Variants in CLVS1 observed in about 807,000 individuals in gnomAD.
CLVS1 encodes the protein clavesin-1.
A neutral mutation model predicts 33.1 loss-of-function variants in CLVS1; 10 were observed. The observed-to-expected ratio is 0.30, with a 90% CI of 0.19 to 0.51. CLVS1 has a LOEUF of 0.51. Among genes scored for constraint, CLVS1 ranks in the 20% least tolerant of loss-of-function variants. CLVS1 has a pLI of 0.97. For synonymous variants in CLVS1, 163 were observed against 166.1 expected, an observed-to-expected ratio of 0.98 and a Z score of 0.14; for missense variants, 343 against 433.4, an observed-to-expected ratio of 0.79 and a Z score of 1.85.
intron 2 of CLVS1, among the ~76,000 whole-genome samples, chr8:61,254,499 C>G (rs916145578): frequency 1.3e-5 from 2 of 152,218 alleles, no homozygotes; most frequent in Non-Finnish European, 1.5e-5. Context: ...TTTTGTTTGG[C>G]TATGCCCTGC....
Position 61,468,851 on chromosome 8 carries a change from G to A in CLVS1, c.977+10309G>A, listed in dbSNP as rs116697355. Among the ~76,000 whole-genome samples the A allele has an allele frequency of 5.8e-3, 876 of 151,924 alleles. 12 individuals carry two copies. The highest frequency in any genetic ancestry group is 0.02 in the African/African-American group (822 of 41,420). On this transcript the variant is annotated intron_variant, in intron 5 of 5. Transcript: ENST00000325897. ...ACAGTCTGATGACAGTGGAGCCACC[G>A]CTTATCGGAATTCCAGAAACTACCA...
chr8:61,332,994 T>G (rs1811657920), intron 2 of CLVS1, among the ~76,000 whole-genome samples: 1 of 152,226 alleles, frequency 6.6e-6, no homozygotes, highest in Non-Finnish European at 1.5e-5. Context: ...CCAACCTTTA[T>G]TTAGTTTCGT....
intron 1 of CLVS1, among the ~76,000 whole-genome samples, chr8:61,079,183 G>T (rs1168016916): frequency 1.3e-5 from 2 of 152,100 alleles, no homozygotes; most frequent in Non-Finnish European, 2.9e-5. Flanking sequence ...TAATTGCACT[G>T]TCTTTCTTTC....
rs184377116 is a variant in CLVS1, at chr8:61,314,207, G to C, written c.455+13925G>C. Among the ~76,000 whole-genome samples the C allele has an allele frequency of 7.6e-4, 115 of 152,260 alleles. 1 individual carries two copies. The Middle Eastern group carries it at 0.014, about 18-fold the overall frequency. On this transcript the variant is annotated intron_variant, in intron 2 of 5. Coordinates refer to ENST00000325897, the MANE Select transcript of CLVS1 (RefSeq NM_173519.3). ...CTCAGTGTCCCCTTTCCCTGACAGG[G>C]TCGTGTAGATTCTGGTGAATCTCAT...
At chr8:61,113,369 T>C (rs1805663528) in intron 1 of CLVS1, among the ~76,000 whole-genome samples, 1 of 152,186 alleles carries the variant, frequency 6.6e-6, no homozygotes, top group Non-Finnish European at 1.5e-5. Context: ...GCATCATGTT[T>C]TGAGTGGTGC....
chr8:61,010,030 G>A, the CLVS1 span, among the ~76,000 whole-genome samples: 1 of 152,214 alleles, frequency 6.6e-6, no homozygotes, highest in Non-Finnish European at 1.5e-5. Context: ...ACAGGAGCTG[G>A]GGCTGGGATG....
At chr8:61,339,120 C>A (rs1372919394) in intron 2 of CLVS1, among the ~76,000 whole-genome samples, 2 of 152,076 alleles carry the variant, frequency 1.3e-5, no homozygotes, top group African/African-American at 4.8e-5. Context: ...GGCACTATGC[C>A]TGCAGCCTCT....
chr8:61,246,362 G>T (rs1057250988), intron 2 of CLVS1, among the ~76,000 whole-genome samples: 4 of 150,836 alleles, frequency 2.7e-5, no homozygotes, highest in African/African-American at 7.3e-5. Context: ...TAGAGATGGG[G>T]TTGCACCATG....
chr8:61,494,798 T>G (rs557471628), intron 5 of CLVS1, among the ~76,000 whole-genome samples: 1 of 152,330 alleles, frequency 6.6e-6, no homozygotes, highest in Non-Finnish European at 1.5e-5. Context: ...TACTTTCTAA[T>G]TTTTTCCAGT....
At chr8:61,228,729 C>CT (rs968750211) in intron 2 of CLVS1, among the ~76,000 whole-genome samples, 19 of 152,186 alleles carry the variant, frequency 1.2e-4, no homozygotes, top group African/African-American at 4.6e-4. Context: ...ACAGACTTTC[C>CT]TTTTTTAAGG....
At chr8:61,161,269 G>T (rs2129349) in intron 2 of CLVS1, among the ~76,000 whole-genome samples, 2 of 151,802 alleles carry the variant, frequency 1.3e-5, no homozygotes, top group African/African-American at 4.8e-5. Flanking sequence ...TGGAGGCACC[G>T]CAGAAAACTA....
Position 61,122,822 on chromosome 8 carries a change from T to C in CLVS1, c.-242-8948T>C, listed in dbSNP as rs541567809. On this transcript the variant is annotated intron_variant, in intron 1 of 2. Coordinates refer to the CLVS1 transcript ENST00000522621. Reference sequence around the variant, plus strand: ...AATCCTTTCCCAGCTCTCTGGCTCCTTTGCTGAAAAAGGACACTCAACTCT... The same window carrying C: ...AATCCTTTCCCAGCTCTCTGGCTCCCTTGCTGAAAAAGGACACTCAACTCT... Among the ~76,000 whole-genome samples the C allele has an allele frequency of 6.8e-5, 7 of 103,498 alleles. 2 individuals carry two copies. In the Admixed American group the frequency reaches 9.2e-4, roughly 14 times the overall value. 67.9% of individuals were successfully genotyped at this position (103,498 alleles called of 152,430 possible). A position where few individuals can be genotyped will look rare whatever the true frequency, so the allele number is the denominator to read the frequency against.
the CLVS1 span, among the ~76,000 whole-genome samples, chr8:60,985,489 G>C: frequency 6.6e-6 from 1 of 152,060 alleles, no homozygotes; most frequent in South Asian, 2.1e-4. Context: ...CCATCCTTGT[G>C]CCAGCCCCTC....
At chr8:61,143,798 T>C (rs954139860) in intron 2 of CLVS1, among the ~76,000 whole-genome samples, 1 of 147,782 alleles carries the variant, frequency 6.8e-6, no homozygotes, top group African/African-American at 2.5e-5. Context: ...ATATACATAA[T>C]ATTCTCATAT....
intron 5 of CLVS1, among the ~76,000 whole-genome samples, chr8:61,483,328 A>T (rs1366071302): frequency 6.6e-6 from 1 of 152,258 alleles, no homozygotes; most frequent in Non-Finnish European, 1.5e-5. Flanking sequence ...ACACAATTAA[A>T]CTAGAAAATC....
At position 61,432,525 on chromosome 8, in the gene CLVS1, A is replaced by C. The variant is rs573781836; in HGVS notation, c.631-21616A>C. Among the ~76,000 whole-genome samples the C allele has an allele frequency of 7.9e-5, 12 of 152,332 alleles. No individual in the cohort carries two copies. In the East Asian group the frequency reaches 1.9e-3, roughly 25 times the overall value. ...GTTCATGTGAAGATGCTGGAAACAG[A>C]CAGCCATCTGCAAGCAAAGGAGAGA... On this transcript the variant is annotated intron_variant, in intron 3 of 5. Coordinates refer to ENST00000325897, the MANE Select transcript of CLVS1 (RefSeq NM_173519.3).
intron 2 of CLVS1, among the ~76,000 whole-genome samples, chr8:61,153,934 C>T (rs944551042): frequency 2.0e-5 from 3 of 152,184 alleles, no homozygotes; most frequent in African/African-American, 7.2e-5. Context: ...TGGAAAATAA[C>T]TTGTCCTTTC....
intron 2 of CLVS1, among the ~76,000 whole-genome samples, chr8:61,223,413 A>T (rs1808264015): frequency 6.6e-6 from 1 of 152,060 alleles, no homozygotes; most frequent in African/African-American, 2.4e-5. Flanking sequence ...TCTGGAAAGG[A>T]TTTTATTTCC....
At chr8:61,037,175 C>T in the CLVS1 span, among the ~76,000 whole-genome samples, 200 of 151,964 alleles carry the variant, frequency 1.3e-3, 1 homozygote, top group African/African-American at 4.5e-3. Flanking sequence ...TGAAATTTAC[C>T]ATCTTAACCA....
Sources: allele counts gnomAD v4.1 joint callset (sites outside exome capture counted in the v4.1 genomes callset), GRCh38; gene constraint gnomAD v4.1.1; transcripts MANE v1.5; gene names NCBI Gene and HGNC (gene_info 2026-07-23, HGNC 2026-07-21).